The following DLGAP2 variants were observed in gnomAD, a reference collection of about 807,000 sequenced individuals.
DLGAP2 encodes DLG associated protein 2, also known as disks large-associated protein 2.
In DLGAP2, 26 loss-of-function variants were observed where a neutral mutation model predicts 100.3. That is an observed-to-expected ratio of 0.26 (90% CI 0.19 to 0.36). The LOEUF (loss-of-function observed/expected upper bound fraction) is 0.36, where lower values mean the gene tolerates loss of function less well. DLGAP2 is among the 10% of genes least tolerant of loss of function. The pLI is 1.00. For synonymous variants in DLGAP2, 886 were observed against 630.1 expected, an observed-to-expected ratio of 1.41 and a Z score of -6.08; for missense variants, 1,858 against 1,453.2, an observed-to-expected ratio of 1.28 and a Z score of -4.53.
At position 1,009,265 on chromosome 8, in the gene DLGAP2, C is replaced by T. The variant is rs145609786; in HGVS notation, c.73+101299C>T. On this transcript the variant is annotated intron_variant, in intron 2 of 14. Transcript: ENST00000637795. ...CAGTGGAATGCATTTTCTTTTTGTTCGTCAAGTCCCAGCAGAACAGACATT... is the reference window on the plus strand; with the variant it reads ...CAGTGGAATGCATTTTCTTTTTGTTTGTCAAGTCCCAGCAGAACAGACATT... 3.0e-3 allele frequency among the ~76,000 whole-genome samples: 458 copies of T among 152,296 alleles called. 3 individuals carry two copies. Among genetic ancestry groups the T allele is most frequent in the African/African-American group, 0.01 (436 of 41,562 alleles).
intron 2 of DLGAP2, among the ~76,000 whole-genome samples, chr8:1,012,746 C>T (rs1403391488): frequency 7.1e-6 from 1 of 139,886 alleles, no homozygotes; most frequent in Non-Finnish European, 1.6e-5. Context: ...CCCACTTCAG[C>T]GGCAGTGTGG....
At chr8:1,140,694 G>A (rs1796506180) in intron 2 of DLGAP2, among the ~76,000 whole-genome samples, 2 of 152,154 alleles carry the variant, frequency 1.3e-5, no homozygotes, top group African/African-American at 2.4e-5. Context: ...TGCCTTGGCC[G>A]GGCACAATGA....
intron 2 of DLGAP2, among the ~76,000 whole-genome samples, chr8:973,983 G>C (rs544597256): frequency 3.9e-5 from 6 of 152,034 alleles, no homozygotes; most frequent in East Asian, 1.9e-4. Context: ...CGCCAGAAAA[G>C]ATTTTTTTAA....
intron 3 of DLGAP2, among the ~76,000 whole-genome samples, chr8:1,310,058 C>CAAAAAA (rs3052029): frequency 2.8e-5 from 3 of 105,690 alleles, no homozygotes; most frequent in Non-Finnish European, 6.1e-5. Flanking sequence ...GTCTCCATCT[C>CAAAAAA]AAAAAAAAAA....
chr8:1,018,431 T>C (rs545886265), intron 2 of DLGAP2, among the ~76,000 whole-genome samples: 7 of 152,322 alleles, frequency 4.6e-5, no homozygotes, highest in African/African-American at 1.7e-4. Flanking sequence ...TATTAGTGAG[T>C]GCCCTAGCTC....
At chr8:1,494,152 G>C (rs961380989) in intron 3 of DLGAP2, among the ~76,000 whole-genome samples, 2 of 152,238 alleles carry the variant, frequency 1.3e-5, no homozygotes, top group African/African-American at 4.8e-5. Context: ...CCTTCTCTTG[G>C]TGTTTATGAG....
chr8:1,572,122 A>G (rs1802734581), intron 6 of DLGAP2, among the ~76,000 whole-genome samples: 1 of 123,352 alleles, frequency 8.1e-6, no homozygotes, highest in Non-Finnish European at 1.7e-5. Context: ...AGAGAGGGTG[A>G]ACTGGAGGGG....
chr8:1,119,248 T>C (rs1026138561), intron 2 of DLGAP2, among the ~76,000 whole-genome samples: 3 of 152,248 alleles, frequency 2.0e-5, no homozygotes, highest in African/African-American at 7.2e-5. Flanking sequence ...TTGGAATCTT[T>C]TGTAGGACTA....
chr8:793,951 G>A (rs1174922129), intron 1 of DLGAP2, among the ~76,000 whole-genome samples: 1 of 152,080 alleles, frequency 6.6e-6, no homozygotes, highest in Non-Finnish European at 1.5e-5. Flanking sequence ...CCTGCCATAC[G>A]ACTCCAGGCA....
intron 3 of DLGAP2, among the ~76,000 whole-genome samples, chr8:1,415,259 A>G (rs979504376): frequency 3.9e-5 from 6 of 152,138 alleles, no homozygotes; most frequent in Admixed American, 6.5e-5. Context: ...TTCACTTTTA[A>G]TTATTTTCTT....
intron 2 of DLGAP2, among the ~76,000 whole-genome samples, chr8:914,115 T>C (rs1798543478): frequency 6.6e-6 from 1 of 152,268 alleles, no homozygotes; most frequent in Non-Finnish European, 1.5e-5. Context: ...TAAAATTATT[T>C]ATAATGCCTT....
Position 1,139,748 on chromosome 8 carries a change from G to A in DLGAP2, c.74-119103G>A, listed in dbSNP as rs926711865. On this transcript the variant is annotated intron_variant, in intron 2 of 14. Coordinates refer to ENST00000637795, the MANE Select transcript of DLGAP2 (RefSeq NM_001346810.2). ...TTCAGGACCTTCTTGGAGAGGGAGT[G>A]AGGATGGTGCCTGGCACAGGGTTTG... Among the ~76,000 whole-genome samples, 3 of 152,294 alleles carry A rather than the reference G, an allele frequency of 2.0e-5. No homozygotes were observed. The East Asian group carries it at 5.8e-4, about 29-fold the overall frequency.
At chr8:741,486 G>A (rs926543285) in intron 1 of DLGAP2, among the ~76,000 whole-genome samples, 2 of 152,202 alleles carry the variant, frequency 1.3e-5, no homozygotes, top group Non-Finnish European at 2.9e-5. Flanking sequence ...AGCTCCAGGA[G>A]AGGGGCCTGG....
chr8:1,307,558 G>T (rs1432125785), intron 3 of DLGAP2, among the ~76,000 whole-genome samples: 1 of 152,152 alleles, frequency 6.6e-6, no homozygotes, highest in Non-Finnish European at 1.5e-5. Flanking sequence ...TCAGATAATT[G>T]TATACTCATG....
At chr8:926,663 A>C (rs1798822833) in intron 2 of DLGAP2, among the ~76,000 whole-genome samples, 1 of 152,144 alleles carries the variant, frequency 6.6e-6, no homozygotes, top group Non-Finnish European at 1.5e-5. Context: ...CCAGGGCATG[A>C]GCTGAAGGGG....
chr8:767,424 C>G (rs986426956), intron 1 of DLGAP2, among the ~76,000 whole-genome samples: 1 of 146,506 alleles, frequency 6.8e-6, no homozygotes, highest in Non-Finnish European at 1.5e-5. Context: ...CATCTTGACT[C>G]GGTCTTGGCT....
intron 2 of DLGAP2, among the ~76,000 whole-genome samples, chr8:1,025,144 G>C (rs73673050): frequency 2.0e-5 from 3 of 151,696 alleles, no homozygotes; most frequent in Non-Finnish European, 2.9e-5. Flanking sequence ...GTGTGTGTGC[G>C]TGTGTGTGTG....
intron 3 of DLGAP2, among the ~76,000 whole-genome samples, chr8:1,292,741 G>T (rs887136789): frequency 6.6e-6 from 1 of 152,052 alleles, no homozygotes; most frequent in East Asian, 1.9e-4. Flanking sequence ...ATTTGGAGCT[G>T]GTCACATTGT....
At chr8:1,674,418 G>A (rs1356404299) in intron 10 of DLGAP2, among the ~76,000 whole-genome samples, 2 of 152,104 alleles carry the variant, frequency 1.3e-5, no homozygotes, top group Admixed American at 6.6e-5. Context: ...CTATCCCACT[G>A]TATCACCCTC....
Sources: gnomAD v4.1 joint callset for allele counts (sites outside exome capture counted in the v4.1 genomes callset) on GRCh38, gnomAD v4.1.1 for gene constraint, MANE v1.5 for transcripts, NCBI Gene and HGNC (gene_info 2026-07-23, HGNC 2026-07-21) for gene names.